NPAS3: variants seen among roughly 807,000 people sequenced by gnomAD.
NPAS3 encodes neuronal PAS domain protein 3, also known as neuronal PAS domain-containing protein 3.
A neutral mutation model predicts 73.1 loss-of-function variants in NPAS3; 14 were observed. That is an observed-to-expected ratio of 0.19 (90% CI 0.13 to 0.30). The LOEUF (loss-of-function observed/expected upper bound fraction) is 0.30, where lower values mean the gene tolerates loss of function less well. Ranked by LOEUF, NPAS3 falls within the 10% of genes least tolerant of loss-of-function variation. NPAS3 has a pLI of 1.00. For synonymous variants in NPAS3, 620 were observed against 541.5 expected, an observed-to-expected ratio of 1.14 and a Z score of -2.01; for missense variants, 1,096 against 1,250.0, an observed-to-expected ratio of 0.88 and a Z score of 1.86.
At chr14:32,981,060 G>A (rs981181852) in intron 1 of NPAS3, among the ~76,000 whole-genome samples, 27 of 152,140 alleles carry the variant, frequency 1.8e-4, no homozygotes, top group Admixed American at 1.3e-4. Flanking sequence ...GGAAATGCCT[G>A]CAGCCATTTA....
intron 3 of NPAS3, among the ~76,000 whole-genome samples, chr14:33,302,020 G>A (rs184241924): frequency 9.9e-5 from 15 of 152,234 alleles, no homozygotes; most frequent in South Asian, 4.1e-4. Context: ...CTTCCCCTCC[G>A]GAGGGGTGGC....
At position 33,318,709 on chromosome 14, in the gene NPAS3, G is replaced by A. The variant is rs924475007; in HGVS notation, c.386-48477G>A. ...ACTTCTGAAATTTTTAATTAAAGTTGGGGAAATGTATAGTCATAATGGACA... is the reference window on the plus strand; with the variant it reads ...ACTTCTGAAATTTTTAATTAAAGTTAGGGAAATGTATAGTCATAATGGACA... On this transcript the variant is annotated intron_variant, in intron 3 of 11. Transcript: ENST00000356141. Among the ~76,000 whole-genome samples the A allele has an allele frequency of 6.2e-4, 94 of 151,924 alleles. 4 individuals are homozygous for A. The highest frequency in any genetic ancestry group is 7.4e-5 in the Non-Finnish European group (5 of 67,952).
At chr14:33,079,861 C>T (rs2041809456) in intron 2 of NPAS3, among the ~76,000 whole-genome samples, 1 of 152,036 alleles carries the variant, frequency 6.6e-6, no homozygotes. Flanking sequence ...ATCTGCCCCC[C>T]TCAGCCTCCC....
chr14:33,487,006 G>A (rs939706245), intron 4 of NPAS3, among the ~76,000 whole-genome samples: 3 of 152,088 alleles, frequency 2.0e-5, no homozygotes, highest in African/African-American at 7.2e-5. Context: ...AATTTGACGA[G>A]GTGAAGAAAA....
chr14:33,386,224 T>C (rs1371222729), intron 4 of NPAS3, among the ~76,000 whole-genome samples: 1 of 152,186 alleles, frequency 6.6e-6, no homozygotes, highest in Non-Finnish European at 1.5e-5. Context: ...TAAACTGTTT[T>C]CTACCCTTTT....
chr14:33,542,568 A>G (rs755371294), intron 4 of NPAS3, among the ~76,000 whole-genome samples: 4 of 152,100 alleles, frequency 2.6e-5, no homozygotes, highest in Non-Finnish European at 4.4e-5. Context: ...GCCCTTTCTA[A>G]GTTCTTCTTT....
chr14:33,359,190 G>T (rs1462005978), intron 3 of NPAS3, among the ~76,000 whole-genome samples: 1 of 152,172 alleles, frequency 6.6e-6, no homozygotes, highest in East Asian at 1.9e-4. Flanking sequence ...AAAGGCAAGA[G>T]ACTTTGTATT....
At chr14:33,417,871 C>G (rs2138987831) in intron 4 of NPAS3, among the ~76,000 whole-genome samples, 1 of 152,030 alleles carries the variant, frequency 6.6e-6, no homozygotes, top group South Asian at 2.1e-4. Context: ...TGCTAAAATT[C>G]AGAACTATTT....
At chr14:32,955,436 T>C (rs2036637373) in intron 1 of NPAS3, among the ~76,000 whole-genome samples, 2 of 152,126 alleles carry the variant, frequency 1.3e-5, no homozygotes, top group Non-Finnish European at 2.9e-5. Flanking sequence ...AGCTCTAAGA[T>C]GCTCATGAAG....
At chr14:32,939,276 A>G (rs370799130), upstream of NPAS3, 556 of 468,386 alleles carry the variant, frequency 1.2e-3, 4 homozygotes, top group Non-Finnish European at 1.8e-3. Context: ...GGGAGGGGGG[A>G]GAGAGGCAAA....
At chr14:33,274,554 C>T (rs902129752) in intron 3 of NPAS3, among the ~76,000 whole-genome samples, 4 of 152,144 alleles carry the variant, frequency 2.6e-5, no homozygotes, top group African/African-American at 9.7e-5. Context: ...AGTTCAGACC[C>T]ATCCCCTTCT....
downstream of NPAS3, chr14:33,801,506 TG>T (rs2063713812): frequency 4.4e-6 from 1 of 225,490 alleles, no homozygotes. Context: ...ATGATCAAGA[TG>T]GAAAGAGACA....
intron 1 of NPAS3, among the ~76,000 whole-genome samples, chr14:32,940,916 C>T (rs2035963834): frequency 6.6e-6 from 1 of 152,142 alleles, no homozygotes; most frequent in African/African-American, 2.4e-5. Context: ...CATCATATAT[C>T]AGAGAGTAAA....
intron 2 of NPAS3, among the ~76,000 whole-genome samples, chr14:33,141,915 A>AC (rs1466413924): frequency 6.6e-6 from 1 of 152,152 alleles, no homozygotes; most frequent in Non-Finnish European, 1.5e-5. Flanking sequence ...ATTTCGCCAC[A>AC]CCTTTGTCAA....
At chr14:33,175,041 A>T (rs988241858) in intron 2 of NPAS3, among the ~76,000 whole-genome samples, 1 of 152,188 alleles carries the variant, frequency 6.6e-6, no homozygotes, top group Non-Finnish European at 1.5e-5. Context: ...ATATTTTAGT[A>T]TTGTAGATAT....
At chr14:33,419,420 ATTG>A (rs2048285348) in intron 4 of NPAS3, among the ~76,000 whole-genome samples, 1 of 151,830 alleles carries the variant, frequency 6.6e-6, no homozygotes, top group Non-Finnish European at 1.5e-5. Context: ...AAAAACTGTG[ATTG>A]TTGTGGGTGA....
At chr14:32,938,457 A>AAGAGAGAGAGAG (rs139406191), upstream of NPAS3, among the ~76,000 whole-genome samples, 63 of 68,666 alleles carry the variant, frequency 9.2e-4, no homozygotes, top group African/African-American at 4.0e-3. Context: ...CCCAACGAGA[A>AAGAGAGAGAGAG]AGAGAGAGAG....
At chr14:33,654,714 A>G (rs147807132) in intron 5 of NPAS3, among the ~76,000 whole-genome samples, 51 of 152,332 alleles carry the variant, frequency 3.3e-4, no homozygotes, top group African/African-American at 1.2e-3. Flanking sequence ...ATAAATATTT[A>G]TATCCCAAGT....
intron 1 of NPAS3, among the ~76,000 whole-genome samples, chr14:33,032,111 A>G (rs17099945): frequency 0.021 from 3,235 of 152,292 alleles, 91 homozygotes; most frequent in African/African-American, 0.068. Context: ...GAGAATAAGG[A>G]CAAAAATTTG....
Sources: allele counts gnomAD v4.1 joint callset (sites outside exome capture counted in the v4.1 genomes callset), GRCh38; gene constraint gnomAD v4.1.1; transcripts MANE v1.5; gene names NCBI Gene and HGNC (gene_info 2026-07-23, HGNC 2026-07-21).